Variants in SLC2A9 observed in about 807,000 individuals in gnomAD.
The protein encoded by SLC2A9 is solute carrier family 2 member 9, also known as solute carrier family 2, facilitated glucose transporter member 9.
In SLC2A9, 39 loss-of-function variants were observed where a neutral mutation model predicts 50.6. The observed-to-expected ratio is 0.77, with a 90% CI of 0.60 to 1.01. SLC2A9 has a LOEUF of 1.01. Ranked by LOEUF, SLC2A9 falls within the 50% of genes least tolerant of loss-of-function variation. SLC2A9 has a pLI of 0.00. For missense variants in SLC2A9, 686 were observed against 677.6 expected (o/e 1.01, Z -0.14); for synonymous variants, 324 against 276.9 (o/e 1.17, Z -1.69).
chr4:10,005,039 G>T (rs10016075), intron 2 of SLC2A9, among the ~76,000 whole-genome samples: 110,356 of 152,062 alleles, frequency 0.73, 40,789 homozygotes, highest in Non-Finnish European at 0.81. Context: ...TTACAGGTCT[G>T]CTTCCTCACT....
intron 10 of SLC2A9, among the ~76,000 whole-genome samples, chr4:9,853,540 C>T (rs1265813856): frequency 1.3e-5 from 2 of 152,114 alleles, no homozygotes; most frequent in African/African-American, 4.8e-5. Context: ...TAGGTAACCA[C>T]ACAATAATAG....
At chr4:9,922,404 A>T (rs984892011) in intron 6 of SLC2A9, among the ~76,000 whole-genome samples, 1 of 152,190 alleles carries the variant, frequency 6.6e-6, no homozygotes, top group Non-Finnish European at 1.5e-5. Flanking sequence ...TGATAGGTGC[A>T]GCAAACCACT....
At chr4:9,852,341 T>A (rs113093678) in intron 10 of SLC2A9, among the ~76,000 whole-genome samples, 11,670 of 151,484 alleles carry the variant, frequency 0.077, 925 homozygotes, top group East Asian at 0.25. Flanking sequence ...CAAGCTCCGC[T>A]TCCCGGGTTC....
chr4:9,871,901 C>A (rs1205363380), intron 10 of SLC2A9, among the ~76,000 whole-genome samples: 1 of 152,172 alleles, frequency 6.6e-6, no homozygotes, highest in African/African-American at 2.4e-5. Flanking sequence ...AGGTGAATTG[C>A]ACAGCCACAA....
intron 10 of SLC2A9, among the ~76,000 whole-genome samples, chr4:9,843,047 G>A (rs1728345058): frequency 6.6e-6 from 1 of 152,156 alleles, no homozygotes; most frequent in Non-Finnish European, 1.5e-5. Context: ...AGGGGTAGGA[G>A]GGCTGGATTA....
intron 1 of SLC2A9, among the ~76,000 whole-genome samples, chr4:10,033,870 G>A (rs1764014419): frequency 6.6e-6 from 1 of 152,206 alleles, no homozygotes; most frequent in African/African-American, 2.4e-5. Flanking sequence ...AACCACATGG[G>A]CCCTGTGTCC....
intron 5 of SLC2A9, among the ~76,000 whole-genome samples, chr4:9,967,373 C>G (rs1024851122): frequency 6.6e-6 from 1 of 152,040 alleles, no homozygotes; most frequent in East Asian, 1.9e-4. Flanking sequence ...TATGTTGAAA[C>G]ATGTTTATAA....
intron 6 of SLC2A9, among the ~76,000 whole-genome samples, chr4:9,929,788 TG>T (rs58702202): frequency 0.19 from 28,876 of 152,086 alleles, 2,911 homozygotes; most frequent in Non-Finnish European, 0.21. Context: ...CAGCTGGGGC[TG>T]CTATAACATC....
intron 3 of SLC2A9, among the ~76,000 whole-genome samples, chr4:9,813,408 T>C (rs533519707): frequency 6.6e-6 from 1 of 152,350 alleles, no homozygotes; most frequent in South Asian, 2.1e-4. Context: ...TCTTCGCAGT[T>C]TGATGAAATC....
intron 1 of SLC2A9, among the ~76,000 whole-genome samples, chr4:9,772,387 C>G (rs1381002513): frequency 6.6e-6 from 1 of 152,232 alleles, no homozygotes. Flanking sequence ...CCTGCGACTT[C>G]CCTGTGGACA....
At chr4:9,981,465 G>C (rs541427360) in intron 4 of SLC2A9, among the ~76,000 whole-genome samples, 4 of 152,240 alleles carry the variant, frequency 2.6e-5, no homozygotes, top group African/African-American at 9.6e-5. Context: ...TTTAACAATA[G>C]TCTTCTGAAT....
chr4:10,027,054 A>T (rs36084205), intron 1 of SLC2A9, among the ~76,000 whole-genome samples: 1 of 151,642 alleles, frequency 6.6e-6, no homozygotes. Flanking sequence ...AAAAAAACAA[A>T]AAAAAAAAGA....
chr4:9,923,253 G>T (rs2012177), intron 6 of SLC2A9, among the ~76,000 whole-genome samples: 9,488 of 152,266 alleles, frequency 0.062, 837 homozygotes, highest in East Asian at 0.47. Flanking sequence ...ATTCTGTAAG[G>T]TACATGGATG....
chr4:9,908,181 C>T, intron 8 of SLC2A9, 54 bp downstream of exon 8: 1 of 1,196,874 alleles, frequency 8.4e-7, no homozygotes, highest in Non-Finnish European at 1.3e-6. Flanking sequence ...AACATTCCCA[C>T]TGTGCTGTGT....
chr4:10,019,479 GTC>G, intron 1 of SLC2A9, among the ~76,000 whole-genome samples: 3 of 152,356 alleles, frequency 2.0e-5, no homozygotes, highest in East Asian at 3.9e-4. Context: ...TCTGCGCATT[GTC>G]TCTGAGTCCT....
At chr4:9,913,301 G>T (rs901235533) in intron 7 of SLC2A9, among the ~76,000 whole-genome samples, 2 of 120,360 alleles carry the variant, frequency 1.7e-5, no homozygotes, top group African/African-American at 6.6e-5. Flanking sequence ...TTTCCTGTGT[G>T]TTTGTGTGTG....
intron 8 of SLC2A9, among the ~76,000 whole-genome samples, chr4:9,901,691 G>A (rs1166227085): frequency 6.6e-6 from 1 of 151,082 alleles, no homozygotes; most frequent in Admixed American, 6.6e-5. Flanking sequence ...CCAGCCCCTT[G>A]GCCCCTCAAG....
At chr4:9,822,059 G>A (rs74956448), downstream of SLC2A9, among the ~76,000 whole-genome samples, 6 of 152,258 alleles carry the variant, frequency 3.9e-5, no homozygotes, top group East Asian at 1.2e-3. Flanking sequence ...TATCTGTAGG[G>A]TCTGTAGGGA....
At chr4:9,842,002 G>C (rs747849106) in intron 10 of SLC2A9, among the ~76,000 whole-genome samples, 18 of 152,316 alleles carry the variant, frequency 1.2e-4, no homozygotes, top group Non-Finnish European at 2.5e-4. Context: ...AGTGGAGACA[G>C]AATCTCCTAT....
Sources: allele counts gnomAD v4.1 joint callset (sites outside exome capture counted in the v4.1 genomes callset), GRCh38; gene constraint gnomAD v4.1.1; transcripts MANE v1.5; gene names NCBI Gene and HGNC (gene_info 2026-07-23, HGNC 2026-07-21).